The following DGLUCY variants were observed in gnomAD, a reference collection of about 807,000 sequenced individuals.
DGLUCY encodes D-glutamate cyclase.
A neutral mutation model predicts 58.5 loss-of-function variants in DGLUCY; 58 were observed. That is an observed-to-expected ratio of 0.99 (90% CI 0.80 to 1.23). The LOEUF is 1.23. Ranked by LOEUF, DGLUCY falls within the 50% of genes most tolerant of loss-of-function variation. The pLI is 0.00. For synonymous variants in DGLUCY, 325 were observed against 314.1 expected (o/e 1.03, Z -0.37); for missense variants, 779 against 784.7 (o/e 0.99, Z 0.09).
At chr14:91,140,208 C>T (rs1417248938) in intron 1 of DGLUCY, among the ~76,000 whole-genome samples, 1 of 152,158 alleles carries the variant, frequency 6.6e-6, no homozygotes, top group East Asian at 1.9e-4. Flanking sequence ...CTTTCCTCCT[C>T]CTCCTTCTTC....
upstream of DGLUCY, among the ~76,000 whole-genome samples, chr14:91,110,877 ACTT>A (rs554664635): frequency 6.9e-4 from 105 of 152,238 alleles, no homozygotes; most frequent in Non-Finnish European, 1.2e-3. Flanking sequence ...CATCTCCAGA[ACTT>A]CTTCATTTCA....
rs1166770514 is a variant in DGLUCY at position 91,225,612 on chromosome 14, A to C, written c.*779A>C. ...TGGATATGCCAAAAAGAGGCCATAA[A>C]GGGCTTCCTTTAAGTGAAAAGGTGA... On this transcript the variant is annotated 3_prime_UTR_variant, in exon 14 of 14. Coordinates refer to ENST00000256324, the MANE Select transcript of DGLUCY (RefSeq NM_001102368.3). The C allele has an allele frequency of 6.6e-6, 1 of 152,272 alleles. No homozygotes were observed. Among genetic ancestry groups the C allele is most frequent in the Non-Finnish European group, 1.5e-5 (1 of 68,056 alleles). The allele number at this position is 152,272 out of a possible 1,614,324, so 9.4% of individuals were successfully genotyped here.
intron 11 of DGLUCY, among the ~76,000 whole-genome samples, chr14:91,202,488 T>A (rs894155990): frequency 1.3e-5 from 2 of 152,156 alleles, no homozygotes; most frequent in Non-Finnish European, 2.9e-5. Context: ...ATTAGAACGT[T>A]TCTGCAAATC....
At chr14:91,220,923 A>G (rs1283723889) in intron 13 of DGLUCY, among the ~76,000 whole-genome samples, 2 of 152,236 alleles carry the variant, frequency 1.3e-5, no homozygotes, top group Non-Finnish European at 2.9e-5. Context: ...TGGGCAGGAA[A>G]GAGGCTAAGG....
Position 91,149,557 on chromosome 14 carries a change from G to A in DGLUCY, c.-81-8082G>A, listed in dbSNP as rs544982705. Among the ~76,000 whole-genome samples the A allele has an allele frequency of 7.2e-5, 11 of 152,324 alleles. No homozygotes were observed. In the South Asian group the frequency reaches 8.3e-4, roughly 11 times the overall value. On this transcript the variant is annotated intron_variant, in intron 1 of 13. Coordinates refer to ENST00000256324, the MANE Select transcript of DGLUCY (RefSeq NM_001102368.3). The stretch of plus-strand genomic sequence containing the variant: ...TATCATTAGGACTAACCATGGAACC[G>A]ATGACTCAGCGTTTACTGTTGGCAG...
chr14:91,094,297 C>T (rs759495362), intron 1 of DGLUCY, among the ~76,000 whole-genome samples: 21 of 151,126 alleles, frequency 1.4e-4, no homozygotes, highest in Non-Finnish European at 2.8e-4. Flanking sequence ...TAGCCGGGTG[C>T]GGTGGCAGGT....
intron 1 of DGLUCY, among the ~76,000 whole-genome samples, chr14:91,081,459 T>G (rs1404668522): frequency 1.3e-5 from 2 of 152,186 alleles, no homozygotes; most frequent in East Asian, 1.9e-4. Context: ...AGGGTGATAT[T>G]TTAGCAGGTA....
At chr14:91,073,847 T>G (rs1269611085) in intron 1 of DGLUCY, among the ~76,000 whole-genome samples, 1 of 151,366 alleles carries the variant, frequency 6.6e-6, no homozygotes, top group Non-Finnish European at 1.5e-5. Context: ...ACCGTCTTAC[T>G]GCATAAGATA....
At chr14:91,207,568 C>T (rs1261032002) in intron 12 of DGLUCY, among the ~76,000 whole-genome samples, 1 of 152,118 alleles carries the variant, frequency 6.6e-6, no homozygotes, top group African/African-American at 2.4e-5. Context: ...AAAGCTACAT[C>T]TAGACATATC....
At chr14:91,102,393 T>G (rs1434981537) in intron 1 of DGLUCY, among the ~76,000 whole-genome samples, 1 of 152,118 alleles carries the variant, frequency 6.6e-6, no homozygotes, top group Non-Finnish European at 1.5e-5. Flanking sequence ...TGAACTTCCC[T>G]CATTTTAAGA....
chr14:91,213,173 A>G (rs1434063614), intron 12 of DGLUCY, among the ~76,000 whole-genome samples: 1 of 152,052 alleles, frequency 6.6e-6, no homozygotes, highest in Non-Finnish European at 1.5e-5. Context: ...GGTGACTCAC[A>G]CCTATAATCC....
intron 1 of DGLUCY, among the ~76,000 whole-genome samples, chr14:91,117,283 C>T (rs903989472): frequency 5.3e-5 from 8 of 152,174 alleles, no homozygotes; most frequent in African/African-American, 1.9e-4. Context: ...TTCTTTACCA[C>T]AAAGTGTTTT....
chr14:91,144,546 C>T (rs2046913282), intron 1 of DGLUCY, among the ~76,000 whole-genome samples: 1 of 152,100 alleles, frequency 6.6e-6, no homozygotes, highest in Non-Finnish European at 1.5e-5. Flanking sequence ...AGCAACAGAG[C>T]AAGACTGCGT....
At chr14:91,109,305 G>A (rs1295271341), upstream of DGLUCY, among the ~76,000 whole-genome samples, 1 of 152,116 alleles carries the variant, frequency 6.6e-6, no homozygotes, top group Admixed American at 6.6e-5. Flanking sequence ...ACTTTCCTCT[G>A]CTCCAACAGC....
At chr14:91,204,422 C>T (rs1226238129) in intron 11 of DGLUCY, among the ~76,000 whole-genome samples, 1 of 152,214 alleles carries the variant, frequency 6.6e-6, no homozygotes, top group Non-Finnish European at 1.5e-5. Context: ...TCCCATGGGC[C>T]TGGCACCAAG....
intron 1 of DGLUCY, among the ~76,000 whole-genome samples, chr14:91,118,423 C>A (rs181616544): frequency 6.6e-6 from 1 of 152,110 alleles, no homozygotes; most frequent in Admixed American, 6.6e-5. Flanking sequence ...TCATAACTCT[C>A]TTCAAGGTGG....
chr14:91,205,803 CCTT>C (rs1433238598), intron 12 of DGLUCY, among the ~76,000 whole-genome samples: 3 of 80,488 alleles, frequency 3.7e-5, no homozygotes, highest in African/African-American at 1.5e-4. Context: ...TTCTCCGTCT[CCTT>C]CTCCTCCTCC....
intron 13 of DGLUCY, among the ~76,000 whole-genome samples, chr14:91,218,044 C>T (rs1886855155): frequency 6.6e-6 from 1 of 152,188 alleles, no homozygotes; most frequent in Non-Finnish European, 1.5e-5. Flanking sequence ...CTCTGTGACT[C>T]CATTCTCTGT....
intron 13 of DGLUCY, among the ~76,000 whole-genome samples, chr14:91,216,674 GGGACAGATCATGTTAGC>G (rs1886569702): frequency 6.6e-6 from 1 of 150,686 alleles, no homozygotes; most frequent in Non-Finnish European, 1.5e-5. Flanking sequence ...TCCCTGGGAA[GGGACAGATCATGTTAGC>G]TGGACCCAAG....
Sources: allele counts gnomAD v4.1 joint callset (sites outside exome capture counted in the v4.1 genomes callset), GRCh38; gene constraint gnomAD v4.1.1; transcripts MANE v1.5; gene names NCBI Gene and HGNC (gene_info 2026-07-23, HGNC 2026-07-21).